ABCA13: variants seen among roughly 807,000 people sequenced by gnomAD.
The protein encoded by ABCA13 is ATP-binding cassette sub-family A member 13.
Under a neutral mutation model 478.7 loss-of-function variants are expected in ABCA13, and 476 were observed. The observed-to-expected ratio is 0.99, with a 90% CI of 0.92 to 1.07. ABCA13 has a LOEUF of 1.07. Ranked by LOEUF, ABCA13 falls within the 50% of genes least tolerant of loss-of-function variation. ABCA13 has a pLI of 0.00. For synonymous variants in ABCA13, 2,252 were observed against 2,158.9 expected, an observed-to-expected ratio of 1.04 and a Z score of -1.20; for missense variants, 6,060 against 5,910.6, an observed-to-expected ratio of 1.03 and a Z score of -0.83.
intron 42 of ABCA13, among the ~76,000 whole-genome samples, chr7:48,435,498 G>T (rs867092958): frequency 6.6e-6 from 1 of 151,730 alleles, no homozygotes; most frequent in Non-Finnish European, 1.5e-5. Flanking sequence ...CAATTTGGAT[G>T]ACTTTTATTT....
At chr7:48,249,410 C>T (rs1404260071) in intron 15 of ABCA13, 59 bp downstream of exon 15, 9 of 1,595,936 alleles carry the variant, frequency 5.6e-6, no homozygotes, top group Middle Eastern at 1.7e-4. Flanking sequence ...AGTGAGGTGA[C>T]ATAATTTCCT....
chr7:48,239,939 T>C (rs1438164952), intron 9 of ABCA13, among the ~76,000 whole-genome samples: 2 of 152,228 alleles, frequency 1.3e-5, no homozygotes, highest in East Asian at 3.8e-4. Context: ...ATTAGATTGC[T>C]CCTGGCCTCA....
intron 24 of ABCA13, among the ~76,000 whole-genome samples, chr7:48,312,684 A>G (rs1407020435): frequency 6.6e-6 from 1 of 152,236 alleles, no homozygotes; most frequent in African/African-American, 2.4e-5. Context: ...TGTGAATGCT[A>G]TGAATACTGT....
At chr7:48,172,421 A>G (rs1210468582) in intron 1 of ABCA13, among the ~76,000 whole-genome samples, 2 of 152,236 alleles carry the variant, frequency 1.3e-5, no homozygotes, top group East Asian at 3.8e-4. Context: ...CTGTCTTGAA[A>G]TAAAATACAA....
At chr7:48,501,831 A>G (rs983655633) in intron 48 of ABCA13, among the ~76,000 whole-genome samples, 2 of 152,140 alleles carry the variant, frequency 1.3e-5, no homozygotes, top group Non-Finnish European at 2.9e-5. Flanking sequence ...CTCATTGTAG[A>G]GGCAGGATTT....
chr7:48,568,918 A>C (rs182498964), intron 55 of ABCA13, among the ~76,000 whole-genome samples: 1 of 151,996 alleles, frequency 6.6e-6, no homozygotes, highest in East Asian at 1.9e-4. Context: ...GGATTTTGGC[A>C]TACGAATATT....
At chr7:48,234,230 G>A (rs758583709) in intron 8 of ABCA13, 79 bp downstream of exon 8, 15 of 1,605,300 alleles carry the variant, frequency 9.3e-6, no homozygotes, top group African/African-American at 1.3e-5. Context: ...GGGGCAGGGT[G>A]AGCGGGTGCC....
At chr7:48,638,934 C>T (rs1794899187) in intron 59 of ABCA13, among the ~76,000 whole-genome samples, 1 of 152,192 alleles carries the variant, frequency 6.6e-6, no homozygotes, top group South Asian at 2.1e-4. Context: ...AATTACTCAG[C>T]TGGAACTGTA....
intron 45 of ABCA13, among the ~76,000 whole-genome samples, chr7:48,477,797 G>A (rs1292166252): frequency 1.3e-5 from 2 of 150,874 alleles, no homozygotes; most frequent in Admixed American, 6.6e-5. Context: ...GCTAAATGAC[G>A]AGTTAATGGG....
intron 35 of ABCA13, among the ~76,000 whole-genome samples, chr7:48,383,647 A>G (rs1295637179): frequency 6.6e-6 from 1 of 152,248 alleles, no homozygotes; most frequent in Non-Finnish European, 1.5e-5. Flanking sequence ...GAGCTATAAT[A>G]CATCAGATGG....
At chr7:48,495,261 A>AT (rs1368035799) in intron 48 of ABCA13, among the ~76,000 whole-genome samples, 5 of 152,194 alleles carry the variant, frequency 3.3e-5, no homozygotes, top group African/African-American at 9.7e-5. Context: ...GGCCTCTGAC[A>AT]TTTTTTATAA....
At chr7:48,205,261 G>T (rs1784780570) in intron 3 of ABCA13, among the ~76,000 whole-genome samples, 2 of 152,102 alleles carry the variant, frequency 1.3e-5, no homozygotes, top group Admixed American at 1.3e-4. Flanking sequence ...TTCACCCGCT[G>T]GTCTGGAATT....
At chr7:48,189,566 A>C (rs923158985) in intron 1 of ABCA13, among the ~76,000 whole-genome samples, 1 of 152,254 alleles carries the variant, frequency 6.6e-6, no homozygotes, top group Non-Finnish European at 1.5e-5. Flanking sequence ...CAAGATGCTT[A>C]GAGAAACTTC....
intron 32 of ABCA13, among the ~76,000 whole-genome samples, chr7:48,368,975 C>A (rs1812210295): frequency 6.6e-6 from 1 of 151,934 alleles, no homozygotes; most frequent in African/African-American, 2.4e-5. Flanking sequence ...AAGGAATCTC[C>A]ACACTGTTTT....
At chr7:48,644,497 A>C in intron 60 of ABCA13, 120 bp from the exon 61 acceptor site, 1 of 1,103,962 alleles carries the variant, frequency 9.1e-7, no homozygotes, top group South Asian at 1.7e-5. Context: ...AGACTCACAA[A>C]ATTAAGTGTA....
chr7:48,405,208 C>G (rs989160167), intron 39 of ABCA13, among the ~76,000 whole-genome samples: 1 of 152,236 alleles, frequency 6.6e-6, no homozygotes, highest in Admixed American at 6.5e-5. Flanking sequence ...AGAGATTCAG[C>G]CGTCTGCAGT....
chr7:48,573,756 C>A (rs892436694), intron 55 of ABCA13, among the ~76,000 whole-genome samples: 3 of 152,034 alleles, frequency 2.0e-5, no homozygotes, highest in Non-Finnish European at 4.4e-5. Context: ...ACAAGAACAA[C>A]AACAGAACAC....
chr7:48,403,704 A>T lies in ABCA13; in HGVS notation c.11895A>T (p.Leu3965Phe), dbSNP rs1817903952. Reference protein sequence around the residue: ...QVNQTLQDVDLTQHQHKQTRA... With the variant: ...QVNQTLQDVDFTQHQHKQTRA... Reference sequence around the variant, plus strand: ...TCAGAACTCTTCAGGATGTGGACTTAACTCAGCATCAGCACAAACAGACCC... The same window carrying T: ...TCAGAACTCTTCAGGATGTGGACTTTACTCAGCATCAGCACAAACAGACCC... The change falls in exon 39 of 62, where the codon TTA (leucine) becomes TTT (phenylalanine). Residue 3965 changes from leucine (L) to phenylalanine (F), a missense_variant. By Grantham distance (22) the Leu-to-Phe change is conservative (BLOSUM62 0). This residue lies in a region of ABCA13 where 1,627 missense variants were observed against 1,571.0 expected (regional missense o/e 1.04). Transcript: ENST00000435803. 10 of 1,613,822 alleles carry T rather than the reference A, an allele frequency of 6.2e-6. No homozygotes were observed. The highest frequency in any genetic ancestry group is 8.5e-6 in the Non-Finnish European group (10 of 1,179,722).
At chr7:48,380,637 A>G (rs1267856506) in intron 35 of ABCA13, among the ~76,000 whole-genome samples, 1 of 152,202 alleles carries the variant, frequency 6.6e-6, no homozygotes, top group Non-Finnish European at 1.5e-5. Flanking sequence ...TTTGTAGGGT[A>G]TCAACTAACC....
Sources: allele counts gnomAD v4.1 joint callset (sites outside exome capture counted in the v4.1 genomes callset), GRCh38; gene constraint gnomAD v4.1.1; regional missense constraint gnomAD v4.1.1; transcripts MANE v1.5; gene names NCBI Gene and HGNC (gene_info 2026-07-23, HGNC 2026-07-21).